Variants in MPPED2 observed in about 807,000 individuals in gnomAD.
The protein encoded by MPPED2 is metallophosphoesterase domain containing 2, also known as metallophosphoesterase MPPED2.
A neutral mutation model predicts 33.0 loss-of-function variants in MPPED2; 5 were observed. The ratio of observed to expected loss-of-function variants is 0.15; its 90% confidence interval spans 0.08 to 0.32. MPPED2 has a LOEUF of 0.32. Among genes scored for constraint, MPPED2 ranks in the 10% least tolerant of loss-of-function variants. MPPED2 has a pLI of 1.00. For synonymous variants in MPPED2, 136 were observed against 141.9 expected, an observed-to-expected ratio of 0.96 and a Z score of 0.29; for missense variants, 275 against 372.1, an observed-to-expected ratio of 0.74 and a Z score of 2.15.
intron 3 of MPPED2, among the ~76,000 whole-genome samples, chr11:30,528,991 A>G (rs1954358658): frequency 6.6e-6 from 1 of 152,246 alleles, no homozygotes; most frequent in Non-Finnish European, 1.5e-5. Context: ...GCAAAGAGAG[A>G]GCAAGAAAGA....
Position 30,410,585 on chromosome 11 carries a change from T to C in MPPED2, c.*883A>G. The C allele has an allele frequency of 4.1e-6, 4 of 982,896 alleles. No homozygotes were observed. Among genetic ancestry groups the C allele is most frequent in the Non-Finnish European group, 4.8e-6 (4 of 827,278 alleles). The allele number at this position is 982,896 out of a possible 1,614,324, so 60.9% of individuals were successfully genotyped here. A position where few individuals can be genotyped will look rare whatever the true frequency, so the allele number is the denominator to read the frequency against. On this transcript the variant is annotated 3_prime_UTR_variant, in exon 7 of 7. Transcript: ENST00000358117. ...ATTTAACTCAAGCTCTTTAAGACCTTGAGCTCTGAGAGAATGTGTCAGTTC... is the reference window on the plus strand; with the variant it reads ...ATTTAACTCAAGCTCTTTAAGACCTCGAGCTCTGAGAGAATGTGTCAGTTC...
At chr11:30,448,109 C>T (rs771891992) in intron 4 of MPPED2, among the ~76,000 whole-genome samples, 1 of 152,098 alleles carries the variant, frequency 6.6e-6, no homozygotes, top group African/African-American at 2.4e-5. Flanking sequence ...TTTTTTCAGA[C>T]GTGAATGAGC....
At chr11:30,494,246 A>G (rs1414485460) in intron 4 of MPPED2, among the ~76,000 whole-genome samples, 1 of 152,186 alleles carries the variant, frequency 6.6e-6, no homozygotes, top group Non-Finnish European at 1.5e-5. Context: ...GTACAAAATG[A>G]GAGGGAAATG....
At chr11:30,542,595 A>G (rs1249968107) in intron 2 of MPPED2, among the ~76,000 whole-genome samples, 1 of 151,990 alleles carries the variant, frequency 6.6e-6, no homozygotes, top group East Asian at 1.9e-4. Context: ...GTGCCACTGC[A>G]CTCCAGCCTG....
At position 30,411,430 on chromosome 11, in the gene MPPED2, T is replaced by G; in HGVS notation, c.*38A>C. The G allele has an allele frequency of 4.4e-6, 7 of 1,591,150 alleles. No individual in the cohort carries two copies. The highest frequency in any genetic ancestry group is 6.0e-6 in the Non-Finnish European group (7 of 1,166,028). On this transcript the variant is annotated 3_prime_UTR_variant, in exon 7 of 7. Coordinates refer to ENST00000358117, the MANE Select transcript of MPPED2 (RefSeq NM_001584.3). ...TTATAATTAGAAAAATGGCAGTTTA[T>G]AGACCTTCCCTCACATTCCAATAGG...
At chr11:30,477,606 T>A (rs937424274) in intron 4 of MPPED2, among the ~76,000 whole-genome samples, 1 of 152,136 alleles carries the variant, frequency 6.6e-6, no homozygotes, top group Non-Finnish European at 1.5e-5. Context: ...GTTGTTGGAT[T>A]TGATTTGCTA....
At chr11:30,531,709 C>T (rs1271085860) in intron 3 of MPPED2, among the ~76,000 whole-genome samples, 2 of 152,160 alleles carry the variant, frequency 1.3e-5, no homozygotes, top group East Asian at 1.9e-4. Flanking sequence ...TTTGTTGTAA[C>T]TCACCAAAGT....
chr11:30,502,642 G>C (rs1952623513), intron 3 of MPPED2, among the ~76,000 whole-genome samples: 1 of 152,140 alleles, frequency 6.6e-6, no homozygotes, highest in African/African-American at 2.4e-5. Context: ...ATTTTGATAG[G>C]AAAATGGAGG....
chr11:30,555,092 T>G (rs111513176), intron 2 of MPPED2, among the ~76,000 whole-genome samples: 3 of 152,192 alleles, frequency 2.0e-5, no homozygotes, highest in Non-Finnish European at 4.4e-5. Flanking sequence ...CTCACTCAAC[T>G]ACAAATTATT....
intron 2 of MPPED2, among the ~76,000 whole-genome samples, chr11:30,575,017 G>A (rs920155478): frequency 3.3e-5 from 5 of 151,978 alleles, no homozygotes; most frequent in Non-Finnish European, 2.9e-5. Flanking sequence ...GTTTTTATAC[G>A]TAAGCATATC....
intron 3 of MPPED2, among the ~76,000 whole-genome samples, chr11:30,531,482 A>C (rs575883494): frequency 6.6e-6 from 1 of 152,198 alleles, no homozygotes; most frequent in Non-Finnish European, 1.5e-5. Context: ...GAAAGGGGCC[A>C]ATGCGGTGGT....
chr11:30,507,793 C>T (rs1653334360), intron 3 of MPPED2, among the ~76,000 whole-genome samples: 1 of 152,066 alleles, frequency 6.6e-6, no homozygotes, highest in Non-Finnish European at 1.5e-5. Context: ...CAATAGTCTC[C>T]GATATTTCTT....
intron 2 of MPPED2, among the ~76,000 whole-genome samples, chr11:30,537,970 A>G (rs1954901764): frequency 6.6e-6 from 1 of 152,048 alleles, no homozygotes; most frequent in Admixed American, 6.5e-5. Context: ...TCTTAGCAAC[A>G]TTTCCTGTCT....
chr11:30,437,674 T>G (rs1343887702), intron 4 of MPPED2, among the ~76,000 whole-genome samples: 1 of 152,186 alleles, frequency 6.6e-6, no homozygotes, highest in African/African-American at 2.4e-5. Context: ...ACCTCTAGAC[T>G]CTGTGCTTTG....
chr11:30,394,773 A>T (rs918774473), intron 6 of MPPED2, among the ~76,000 whole-genome samples: 17 of 152,090 alleles, frequency 1.1e-4, no homozygotes, highest in African/African-American at 2.2e-4. Flanking sequence ...CAACTTACAA[A>T]TTTTTTTCTA....
At chr11:30,499,719 C>T (rs1444786768) in intron 3 of MPPED2, among the ~76,000 whole-genome samples, 2 of 152,140 alleles carry the variant, frequency 1.3e-5, no homozygotes, top group East Asian at 1.9e-4. Flanking sequence ...GACTTTTTTG[C>T]TTCTTTGAGA....
chr11:30,418,970 CAG>C (rs1590195693), intron 4 of MPPED2, among the ~76,000 whole-genome samples: 1 of 152,148 alleles, frequency 6.6e-6, no homozygotes, highest in African/African-American at 2.4e-5. Context: ...GAGAAAGTTC[CAG>C]AGAGAAGAGA....
At chr11:30,401,419 G>T (rs1044661884) in intron 6 of MPPED2, among the ~76,000 whole-genome samples, 2 of 152,186 alleles carry the variant, frequency 1.3e-5, no homozygotes, top group African/African-American at 4.8e-5. Flanking sequence ...AGAAGATACA[G>T]ATGTCCAGTG....
chr11:30,466,384 G>A (rs536206), intron 4 of MPPED2, among the ~76,000 whole-genome samples: 16,948 of 152,224 alleles, frequency 0.11, 1,241 homozygotes, highest in East Asian at 0.24. Context: ...TTTAGCAACC[G>A]AAAGATGCTG....
Sources: gnomAD v4.1 joint callset for allele counts (sites outside exome capture counted in the v4.1 genomes callset) on GRCh38, gnomAD v4.1.1 for gene constraint, MANE v1.5 for transcripts, NCBI Gene and HGNC (gene_info 2026-07-23, HGNC 2026-07-21) for gene names.